The following RANBP2 variants were observed in gnomAD, a reference collection of about 807,000 sequenced individuals.
The protein encoded by RANBP2 is E3 SUMO-protein ligase RanBP2.
Under a neutral mutation model 303.6 loss-of-function variants are expected in RANBP2, and 57 were observed. That is an observed-to-expected ratio of 0.19 (90% confidence interval 0.15 to 0.23). The LOEUF is 0.23. Ranked by LOEUF, RANBP2 falls within the 10% of genes least tolerant of loss-of-function variation. The pLI, the probability that RANBP2 is intolerant of heterozygous loss-of-function variation, is 1.00. For synonymous variants in RANBP2, 1,167 were observed against 1,301.5 expected (o/e 0.90, Z 2.23); for missense variants, 3,138 against 3,780.8 (o/e 0.83, Z 4.46).
At chr2:109,383,463 G>A in the RANBP2 span, among the ~76,000 whole-genome samples, 1 of 152,164 alleles carries the variant, frequency 6.6e-6, no homozygotes, top group Non-Finnish European at 1.5e-5. Context: ...TGGGCCAGTT[G>A]GAATCATTCT....
At chr2:109,428,627 C>T in the RANBP2 span, among the ~76,000 whole-genome samples, 1 of 152,206 alleles carries the variant, frequency 6.6e-6, no homozygotes, top group African/African-American at 2.4e-5. Flanking sequence ...GCATGAAAGC[C>T]CTATACACGC....
the RANBP2 span, among the ~76,000 whole-genome samples, chr2:109,223,979 G>A: frequency 6.6e-6 from 1 of 152,294 alleles, no homozygotes. Context: ...TCCAGCCTAG[G>A]TGACAGAGTG....
At chr2:109,066,748 G>A in the RANBP2 span, among the ~76,000 whole-genome samples, 2 of 152,124 alleles carry the variant, frequency 1.3e-5, no homozygotes, top group South Asian at 2.1e-4. Flanking sequence ...GGGCAGGGGC[G>A]ATGGGAGGCT....
chr2:109,102,388 C>A, the RANBP2 span, among the ~76,000 whole-genome samples: 5 of 151,110 alleles, frequency 3.3e-5, no homozygotes, highest in Admixed American at 6.6e-5. Flanking sequence ...GTGTGAGCCA[C>A]CGCGCCCGGC....
chr2:109,187,307 T>C, the RANBP2 span, among the ~76,000 whole-genome samples: 1 of 152,352 alleles, frequency 6.6e-6, no homozygotes, highest in African/African-American at 2.4e-5. Flanking sequence ...GTCTTTTCTG[T>C]TTAGTCTGAA....
At chr2:109,294,032 A>G in the RANBP2 span, among the ~76,000 whole-genome samples, 1 of 152,130 alleles carries the variant, frequency 6.6e-6, no homozygotes, top group East Asian at 1.9e-4. Flanking sequence ...CCCTTCTTGG[A>G]ATGGTCTTTT....
chr2:108,726,751 T>C (rs962331140), intron 1 of RANBP2, among the ~76,000 whole-genome samples: 12 of 151,852 alleles, frequency 7.9e-5, no homozygotes, highest in African/African-American at 2.9e-4. Flanking sequence ...AACAAAGGTC[T>C]CTGGTTTTCC....
the RANBP2 span, among the ~76,000 whole-genome samples, chr2:109,720,055 C>T: frequency 6.6e-6 from 1 of 152,100 alleles, no homozygotes; most frequent in Non-Finnish European, 1.5e-5. Context: ...CCCTTACCAG[C>T]CAGCTTCGGC....
the RANBP2 span, among the ~76,000 whole-genome samples, chr2:109,163,390 C>CTTTTTTTTT: frequency 1.4e-5 from 1 of 70,268 alleles, no homozygotes; most frequent in Non-Finnish European, 2.4e-5. Flanking sequence ...AGCAAATATT[C>CTTTTTTTTT]TTTTTTTTTT....
the RANBP2 span, among the ~76,000 whole-genome samples, chr2:109,688,640 G>T: frequency 6.6e-6 from 1 of 151,616 alleles, no homozygotes; most frequent in Non-Finnish European, 1.5e-5. Flanking sequence ...TTAGCTGGGC[G>T]TAGTGGCGCA....
At chr2:109,373,674 G>A in the RANBP2 span, among the ~76,000 whole-genome samples, 1 of 152,156 alleles carries the variant, frequency 6.6e-6, no homozygotes, top group Non-Finnish European at 1.5e-5. Flanking sequence ...AGGAGGTTCT[G>A]GGCTGCAGAA....
At chr2:109,462,372 G>A in the RANBP2 span, among the ~76,000 whole-genome samples, 3 of 151,990 alleles carry the variant, frequency 2.0e-5, no homozygotes, top group Admixed American at 1.3e-4. Context: ...ATACCAAGAG[G>A]TGTGGTGGAT....
At chr2:108,843,886 CTTTTT>C in the RANBP2 span, among the ~76,000 whole-genome samples, 4 of 94,018 alleles carry the variant, frequency 4.3e-5, no homozygotes, top group Non-Finnish European at 7.6e-5. Context: ...GTGTTTCTTT[CTTTTT>C]TTTTTTTTTT....
chr2:109,448,569 T>A, the RANBP2 span, among the ~76,000 whole-genome samples: 1 of 152,176 alleles, frequency 6.6e-6, no homozygotes, highest in African/African-American at 2.4e-5. Flanking sequence ...ACGCTCCTTA[T>A]GAGAATCTAA....
the RANBP2 span, among the ~76,000 whole-genome samples, chr2:109,694,033 G>A: frequency 6.6e-6 from 1 of 152,194 alleles, no homozygotes; most frequent in Non-Finnish European, 1.5e-5. Context: ...GTGCATGTGT[G>A]TGTCTACAAA....
the RANBP2 span, among the ~76,000 whole-genome samples, chr2:109,525,823 G>A: frequency 1.3e-5 from 2 of 152,216 alleles, no homozygotes; most frequent in African/African-American, 4.8e-5. Flanking sequence ...TCCTGGATGT[G>A]GCTCCGAGTT....
At chr2:109,261,983 C>G in the RANBP2 span, among the ~76,000 whole-genome samples, 5 of 152,126 alleles carry the variant, frequency 3.3e-5, no homozygotes, top group Non-Finnish European at 7.3e-5. Context: ...GGAAGGGCCA[C>G]AAAGCTCTAT....
the RANBP2 span, among the ~76,000 whole-genome samples, chr2:109,269,509 G>A: frequency 6.6e-6 from 1 of 152,184 alleles, no homozygotes; most frequent in African/African-American, 2.4e-5. Flanking sequence ...AGCCAGGCGT[G>A]GTGGCTCATG....
chr2:109,744,345 G>T, the RANBP2 span, among the ~76,000 whole-genome samples: 1 of 91,438 alleles, frequency 1.1e-5, no homozygotes, highest in Non-Finnish European at 2.8e-5. Context: ...TTGTGGTTTT[G>T]ATTTGCATTT....
Sources: allele counts gnomAD v4.1 joint callset (sites outside exome capture counted in the v4.1 genomes callset), GRCh38; gene constraint gnomAD v4.1.1; transcripts MANE v1.5; gene names NCBI Gene and HGNC (gene_info 2026-07-23, HGNC 2026-07-21).